Variants in ERCC6L2 observed in about 807,000 individuals in gnomAD.
ERCC6L2 encodes the protein DNA excision repair protein ERCC-6-like 2.
A neutral mutation model predicts 132.0 loss-of-function variants in ERCC6L2; 77 were observed. The observed-to-expected ratio is 0.58, with a 90% CI of 0.49 to 0.71. The LOEUF (loss-of-function observed/expected upper bound fraction) is 0.71. ERCC6L2 is among the 30% of genes least tolerant of loss of function. The pLI is 0.00. For synonymous variants in ERCC6L2, 583 were observed against 632.4 expected (o/e 0.92, Z 1.17); for missense variants, 1,542 against 1,837.6 (o/e 0.84, Z 2.94).
At chr9:96,019,133 G>T (rs918933894), downstream of ERCC6L2, among the ~76,000 whole-genome samples, 4 of 152,032 alleles carry the variant, frequency 2.6e-5, no homozygotes, top group African/African-American at 9.7e-5. Context: ...AAAATTATTG[G>T]CCTCCCTACA....
chr9:95,916,477 T>A, intron 6 of ERCC6L2, 43 bp downstream of exon 6: 5 of 1,402,538 alleles, frequency 3.6e-6, no homozygotes, highest in Non-Finnish European at 4.7e-6. Flanking sequence ...GTGGTCATAT[T>A]TTTTTTTTCC....
At chr9:96,033,915 A>G (rs1365802955) in intron 19 of ERCC6L2, among the ~76,000 whole-genome samples, 1 of 152,216 alleles carries the variant, frequency 6.6e-6, no homozygotes, top group Non-Finnish European at 1.5e-5. Context: ...CAGGAAGACC[A>G]TCACCTGCCT....
intron 3 of ERCC6L2, chr9:95,905,065 G>T (rs1421869065): frequency 6.6e-6 from 1 of 152,116 alleles, no homozygotes; most frequent in Non-Finnish European, 1.5e-5. Context: ...GCTAAGCAGG[G>T]TCGGACCTGG....
At chr9:95,998,482 T>G (rs1452815303) in intron 17 of ERCC6L2, among the ~76,000 whole-genome samples, 1 of 152,244 alleles carries the variant, frequency 6.6e-6, no homozygotes. Context: ...CCCACTTTGC[T>G]CGTGGATTAT....
chr9:95,945,323 A>C (rs563500979), intron 12 of ERCC6L2, among the ~76,000 whole-genome samples: 5 of 152,338 alleles, frequency 3.3e-5, no homozygotes, highest in Admixed American at 6.5e-5. Flanking sequence ...GTTTAAGGTT[A>C]TCTCTCCTGT....
Position 95,921,230 on chromosome 9 carries a change from A to G in ERCC6L2, c.1214A>G (p.Glu405Gly), listed in dbSNP as rs777953933. ...FQKAVYQTVL[E>G]TEDVTLILQS... Reference sequence around the variant, plus strand: ...AAAGCTGTCTATCAAACAGTGTTAGAAACAGAGGACGTGACTTTGATACTT... The same window carrying G: ...AAAGCTGTCTATCAAACAGTGTTAGGAACAGAGGACGTGACTTTGATACTT... Residue 405 changes from glutamate to glycine, a missense_variant, in exon 7 of 19, where the codon GAA becomes GGA. Glu to Gly is a moderately conservative substitution (Grantham distance 98, BLOSUM62 -2). This residue lies in a region of ERCC6L2 where 945 missense variants were observed against 1,105.2 expected (regional missense o/e 0.86). Coordinates refer to ENST00000653738, the MANE Select transcript of ERCC6L2 (RefSeq NM_020207.7). The G allele has an allele frequency of 6.2e-7, 1 of 1,613,548 alleles. No individual in the cohort carries two copies. The highest frequency in any genetic ancestry group is 1.7e-5 in the Admixed American group (1 of 60,024).
At chr9:95,958,926 C>A (rs2133008326) in intron 13 of ERCC6L2, among the ~76,000 whole-genome samples, 1 of 151,368 alleles carries the variant, frequency 6.6e-6, no homozygotes, top group African/African-American at 2.4e-5. Flanking sequence ...TAGGAAGAAT[C>A]AATATCGTGA....
intron 3 of ERCC6L2, among the ~76,000 whole-genome samples, chr9:95,902,893 A>G (rs1828849944): frequency 6.6e-6 from 1 of 152,060 alleles, no homozygotes; most frequent in Non-Finnish European, 1.5e-5. Flanking sequence ...CCTGGAATCT[A>G]ATTTTTTGTT....
At chr9:96,024,487 G>A (rs576844513) in intron 19 of ERCC6L2, among the ~76,000 whole-genome samples, 2 of 152,232 alleles carry the variant, frequency 1.3e-5, no homozygotes, top group Admixed American at 6.5e-5. Flanking sequence ...TGAAGGCTGT[G>A]CTCCTTGCTG....
At chr9:95,884,334 G>C (rs569784421) in intron 2 of ERCC6L2, among the ~76,000 whole-genome samples, 1 of 152,260 alleles carries the variant, frequency 6.6e-6, no homozygotes, top group African/African-American at 2.4e-5. Context: ...AGCTTCTATA[G>C]ATAGATAAAG....
intron 17 of ERCC6L2, among the ~76,000 whole-genome samples, chr9:96,001,848 T>A (rs1178906553): frequency 1.3e-5 from 2 of 152,176 alleles, no homozygotes; most frequent in African/African-American, 2.4e-5. Flanking sequence ...GGGCTGCAGG[T>A]CCTGAGCCCT....
intron 4 of ERCC6L2, among the ~76,000 whole-genome samples, chr9:95,907,857 C>CACACACAAACACACACA: frequency 3.7e-5 from 5 of 133,732 alleles, no homozygotes; most frequent in Non-Finnish European, 6.4e-5. Context: ...ACACACACAC[C>CACACACAAACACACACA]CCCACACCCA....
chr9:95,988,077 C>T (rs866397972), intron 17 of ERCC6L2, among the ~76,000 whole-genome samples: 6 of 152,168 alleles, frequency 3.9e-5, no homozygotes, highest in Non-Finnish European at 7.3e-5. Context: ...CATTTTTCTA[C>T]GAAACCATTT....
chr9:95,989,308 C>T (rs1037489830), intron 17 of ERCC6L2, among the ~76,000 whole-genome samples: 11 of 152,192 alleles, frequency 7.2e-5, no homozygotes, highest in Admixed American at 6.5e-4. Context: ...ACCCTCTGAC[C>T]CTGCCTTGGT....
At chr9:95,899,600 A>ATATGTGTGTGTG (rs746946004) in intron 3 of ERCC6L2, among the ~76,000 whole-genome samples, 205 of 134,876 alleles carry the variant, frequency 1.5e-3, no homozygotes, top group African/African-American at 3.0e-3. Flanking sequence ...TTATATATAT[A>ATATGTGTGTGTG]TGTGTGTGTG....
chr9:95,880,742 T>C, intron 1 of ERCC6L2, 127 bp from the exon 2 acceptor site: 1 of 709,778 alleles, frequency 1.4e-6, no homozygotes, highest in Non-Finnish European at 2.3e-6. Flanking sequence ...CATGTTAGAA[T>C]TTATCTTGTT....
chr9:95,881,868 C>T (rs1366835762), intron 2 of ERCC6L2, among the ~76,000 whole-genome samples: 1 of 152,164 alleles, frequency 6.6e-6, no homozygotes. Context: ...ACAAATTATG[C>T]CAAATTTAGC....
chr9:95,910,583 A>G (rs1242672478), intron 4 of ERCC6L2, among the ~76,000 whole-genome samples: 1 of 152,036 alleles, frequency 6.6e-6, no homozygotes, highest in Non-Finnish European at 1.5e-5. Flanking sequence ...ATTGCAGTAT[A>G]TCTGTTCTTA....
At position 95,876,072 on chromosome 9, in the gene ERCC6L2, A is replaced by G. The variant is rs982713997; in HGVS notation, c.34A>G (p.Thr12Ala). ...GTCGGCGCCACAGCCCCGCGCGGAA[A>G]CCTCAGGCAAAGGTACCAGCTCCGC... ...DPSAPQPRAE[T>A]SGKDIWHPGE... Residue 12 changes from threonine to alanine, a missense_variant, in exon 1 of 19, where the codon ACC becomes GCC. Physicochemically the swap from Thr to Ala is moderately conservative, Grantham distance 58. Coordinates refer to ENST00000653738, the MANE Select transcript of ERCC6L2 (RefSeq NM_020207.7). 16 of 1,581,082 alleles carry G rather than the reference A, an allele frequency of 1.0e-5. No homozygotes were observed. Among genetic ancestry groups the G allele is most frequent in the Non-Finnish European group, 1.4e-5 (16 of 1,164,252 alleles).
Sources: gnomAD v4.1 joint callset for allele counts (sites outside exome capture counted in the v4.1 genomes callset) on GRCh38, gnomAD v4.1.1 for gene constraint, gnomAD v4.1.1 regional missense constraint, MANE v1.5 for transcripts, NCBI Gene and HGNC (gene_info 2026-07-23, HGNC 2026-07-21) for gene names.